FIG4: variants seen among roughly 807,000 people sequenced by gnomAD.
FIG4 encodes polyphosphoinositide phosphatase.
FIG4 carries 112 observed loss-of-function variants against 118.6 expected under a neutral mutation model. The ratio of observed to expected loss-of-function variants is 0.94; its 90% CI spans 0.81 to 1.11. The LOEUF is 1.11. Among genes scored for constraint, FIG4 ranks in the 50% least tolerant of loss-of-function variants. The pLI, the probability that FIG4 is intolerant of heterozygous loss-of-function variation, is 0.00. For missense variants in FIG4, 969 were observed against 1,111.7 expected (o/e 0.87, Z 1.83); for synonymous variants, 369 against 381.2 (o/e 0.97, Z 0.37).
At chr6:109,756,920 C>G (rs1776926025) in intron 10 of FIG4, among the ~76,000 whole-genome samples, 1 of 152,182 alleles carries the variant, frequency 6.6e-6, no homozygotes, top group African/African-American at 2.4e-5. Flanking sequence ...TCGTCTGAAG[C>G]TTTCCTTTCT....
At chr6:109,779,909 A>G (rs1469071396) in intron 16 of FIG4, among the ~76,000 whole-genome samples, 2 of 152,188 alleles carry the variant, frequency 1.3e-5, no homozygotes, top group Admixed American at 1.3e-4. Flanking sequence ...TTTCTCACCT[A>G]TAAAATGGAG....
chr6:109,710,415 C>CT (rs1451602295), intron 1 of FIG4, among the ~76,000 whole-genome samples: 6 of 152,082 alleles, frequency 3.9e-5, no homozygotes, highest in African/African-American at 7.2e-5. Context: ...CTGAAGTTTT[C>CT]TTTTTTTGTT....
chr6:109,754,153 T>C (rs1344283278), intron 10 of FIG4, among the ~76,000 whole-genome samples: 3 of 152,122 alleles, frequency 2.0e-5, no homozygotes, highest in Admixed American at 6.5e-5. Flanking sequence ...GCATGAAGCG[T>C]TGTTGAATTT....
rs573086944 is a variant in FIG4 at position 109,753,515 on chromosome 6, T to G, written c.1138-6735T>G. Among the ~76,000 whole-genome samples the G allele has an allele frequency of 2.0e-5, 3 of 152,288 alleles. No homozygotes were observed. The South Asian group carries it at 6.2e-4, about 32-fold the overall frequency. On this transcript the variant is annotated intron_variant, in intron 10 of 22. Transcript: ENST00000230124. ...GTAGCTTGATGGGGATGGCATTGAA[T>G]CTATAAATTACCTTGGGCAATAGGG... is the stretch of plus-strand genomic sequence containing the variant.
chr6:109,727,528 T>C lies in FIG4; in HGVS notation c.446+263T>C, dbSNP rs146595604. 1.7e-3 allele frequency among the ~76,000 whole-genome samples: 257 copies of C among 152,296 alleles called. 1 individual carries two copies. The highest frequency in any genetic ancestry group is 2.6e-3 in the Non-Finnish European group (180 of 68,012). The stretch of plus-strand genomic sequence containing the variant: ...GCTGTTAAAGACTCCATTATAGCAA[T>C]TGGCAAGAATCAACAATGGCTACTA... On this transcript the variant is annotated intron_variant, in intron 4 of 22. Coordinates refer to ENST00000230124, the MANE Select transcript of FIG4 (RefSeq NM_014845.6).
chr6:109,800,231 C>G (rs1778392923), intron 22 of FIG4, among the ~76,000 whole-genome samples: 1 of 152,166 alleles, frequency 6.6e-6, no homozygotes, highest in African/African-American at 2.4e-5. Flanking sequence ...TTTCCAATCA[C>G]TGGGGTAGCA....
intron 22 of FIG4, among the ~76,000 whole-genome samples, chr6:109,820,865 C>A (rs1481522536): frequency 6.6e-6 from 1 of 152,108 alleles, no homozygotes; most frequent in South Asian, 2.1e-4. Flanking sequence ...AGTAAACCCC[C>A]CACAGCCATA....
chr6:109,800,180 T>C (rs1291419827), intron 22 of FIG4, among the ~76,000 whole-genome samples: 1 of 152,036 alleles, frequency 6.6e-6, no homozygotes, highest in Non-Finnish European at 1.5e-5. Flanking sequence ...GAGCCCATGA[T>C]CTCCATCACT....
At chr6:109,749,595 A>ATAAAATAAAATAAAATAAAAT (rs1190779085) in intron 10 of FIG4, among the ~76,000 whole-genome samples, 1 of 151,328 alleles carries the variant, frequency 6.6e-6, no homozygotes, top group Non-Finnish European at 1.5e-5. Flanking sequence ...CAATAATAAA[A>ATAAAATAAAATAAAATAAAAT]TAAAATAAAA....
chr6:109,820,520 G>A (rs1385682964), intron 22 of FIG4, among the ~76,000 whole-genome samples: 1 of 152,102 alleles, frequency 6.6e-6, no homozygotes, highest in African/African-American at 2.4e-5. Context: ...GAGTTGAGCT[G>A]GGAAAGAGCT....
intron 22 of FIG4, among the ~76,000 whole-genome samples, chr6:109,824,367 G>A (rs77592514): frequency 1.2e-3 from 190 of 152,306 alleles, no homozygotes; most frequent in African/African-American, 4.4e-3. Flanking sequence ...TGTGATTGGA[G>A]GCCATGTCCA....
At chr6:109,753,507 G>A (rs930476439) in intron 10 of FIG4, among the ~76,000 whole-genome samples, 1 of 152,030 alleles carries the variant, frequency 6.6e-6, no homozygotes, top group Non-Finnish European at 1.5e-5. Context: ...GATGGGGATG[G>A]CATTGAATCT....
intron 15 of FIG4, among the ~76,000 whole-genome samples, chr6:109,775,264 A>G (rs953369068): frequency 6.6e-6 from 1 of 152,208 alleles, no homozygotes; most frequent in African/African-American, 2.4e-5. Context: ...CCTTGGGCTC[A>G]TTAGGGCTGG....
intron 10 of FIG4, among the ~76,000 whole-genome samples, chr6:109,756,015 C>T (rs1460728789): frequency 6.6e-6 from 1 of 152,190 alleles, no homozygotes; most frequent in Admixed American, 6.5e-5. Flanking sequence ...TTAGTTGATG[C>T]AGTTTCTTCC....
intron 10 of FIG4, among the ~76,000 whole-genome samples, chr6:109,758,889 A>G (rs1259671036): frequency 1.3e-5 from 2 of 152,258 alleles, no homozygotes; most frequent in Admixed American, 1.3e-4. Flanking sequence ...AATGCAAATC[A>G]AAACCACAAT....
chr6:109,763,998 C>T lies in FIG4; in HGVS notation c.1434+16C>T, dbSNP rs772128948. The T allele has an allele frequency of 6.5e-6, 10 of 1,545,576 alleles. No individual in the cohort carries two copies. The South Asian group carries it at 1.1e-4, about 17-fold the overall frequency. ...TCGCCTGCAGGTATACACAGTATTACAATTCGTAATGAATAGAATCTGTAT... is the reference window on the plus strand; with the variant it reads ...TCGCCTGCAGGTATACACAGTATTATAATTCGTAATGAATAGAATCTGTAT... On this transcript the variant is annotated intron_variant, in intron 13 of 22. Coordinates refer to ENST00000230124, the MANE Select transcript of FIG4 (RefSeq NM_014845.6).
chr6:109,756,790 C>T (rs971431754), intron 10 of FIG4, among the ~76,000 whole-genome samples: 3 of 152,202 alleles, frequency 2.0e-5, no homozygotes, highest in African/African-American at 7.2e-5. Flanking sequence ...GCTCCATCAG[C>T]TCCTTTAAGC....
At chr6:109,734,558 G>T (rs1776106328) in intron 5 of FIG4, among the ~76,000 whole-genome samples, 1 of 151,372 alleles carries the variant, frequency 6.6e-6, no homozygotes, top group South Asian at 2.1e-4. Context: ...TATTTAAAAG[G>T]TATTATGTGA....
intron 1 of FIG4, among the ~76,000 whole-genome samples, chr6:109,709,591 T>C (rs953669254): frequency 6.6e-6 from 1 of 152,254 alleles, no homozygotes; most frequent in African/African-American, 2.4e-5. Flanking sequence ...TTCCTATCCA[T>C]GAACATGGAA....
Sources: gnomAD v4.1 joint callset for allele counts (sites outside exome capture counted in the v4.1 genomes callset) on GRCh38, gnomAD v4.1.1 for gene constraint, MANE v1.5 for transcripts, NCBI Gene and HGNC (gene_info 2026-07-23, HGNC 2026-07-21) for gene names.